BMP8B: variants seen among roughly 807,000 people sequenced by gnomAD.
BMP8B encodes the protein bone morphogenetic protein 8b.
A neutral mutation model predicts 30.3 loss-of-function variants in BMP8B; 17 were observed. The ratio of observed to expected loss-of-function variants is 0.56; its 90% confidence interval spans 0.38 to 0.84. BMP8B has a LOEUF of 0.84. BMP8B is among the 40% of genes least tolerant of loss of function. The pLI is 0.00. For missense variants in BMP8B, 253 were observed against 494.6 expected (o/e 0.51, Z 4.63); for synonymous variants, 131 against 214.7 (o/e 0.61, Z 3.41).
chr1:39,787,484 G>C (rs577428171), intron 1 of BMP8B, among the ~76,000 whole-genome samples: 1 of 152,192 alleles, frequency 6.6e-6, no homozygotes, highest in Non-Finnish European at 1.5e-5. Context: ...AGGAAAAGCC[G>C]GGCTTTGCCT....
At chr1:39,776,900 A>G (rs1650274550) in intron 1 of BMP8B, among the ~76,000 whole-genome samples, 1 of 152,262 alleles carries the variant, frequency 6.6e-6, no homozygotes. Flanking sequence ...AACGGAAGAC[A>G]TAAAATGCAA....
At chr1:39,787,791 C>G (rs1651090892) in intron 1 of BMP8B, among the ~76,000 whole-genome samples, 1 of 152,234 alleles carries the variant, frequency 6.6e-6, no homozygotes. Flanking sequence ...GCCCTTATCA[C>G]AGTGACAGCA....
At chr1:39,769,101 T>C (rs1251556082) in intron 3 of BMP8B, among the ~76,000 whole-genome samples, 1 of 149,018 alleles carries the variant, frequency 6.7e-6, no homozygotes, top group Admixed American at 6.7e-5. Flanking sequence ...GAATTAGGAT[T>C]GCTTGAGCCC....
chr1:39,781,574 T>C (rs1650641162), intron 1 of BMP8B, among the ~76,000 whole-genome samples: 1 of 152,176 alleles, frequency 6.6e-6, no homozygotes. Context: ...GTATCTTAGG[T>C]TAGGCTCTCT....
In BMP8B at chr1:39,788,131, C is replaced by A. The variant is rs779335902; in HGVS notation, c.334+21G>T. 1.3e-6 allele frequency: 2 copies of A among 1,546,834 alleles called. No individual in the cohort carries two copies. The highest frequency in any genetic ancestry group is 2.4e-5 in the East Asian group (1 of 41,130). On this transcript the variant is annotated intron_variant, in intron 1 of 6. Transcript: ENST00000372827. The surrounding 1 kb of genome is among the most constrained non-coding windows in gnomAD (Gnocchi z 5.8). ...GCAGCCAGCTTACTCCGAGGGTCCC[C>A]GCGCGGGCGGCCGCACTCACCCATG...
chr1:39,781,541 A>C (rs1650637667), intron 1 of BMP8B, among the ~76,000 whole-genome samples: 1 of 152,256 alleles, frequency 6.6e-6, no homozygotes, highest in Non-Finnish European at 1.5e-5. Flanking sequence ...CATTAAATAA[A>C]TTAGACCATA....
Position 39,760,526 on chromosome 1 carries a change from C to T in BMP8B, c.1102G>A (p.Ala368Thr). The T allele has an allele frequency of 1.2e-6, 2 of 1,614,052 alleles. No individual in the cohort carries two copies. Among genetic ancestry groups the T allele is most frequent in the Non-Finnish European group, 1.7e-6 (2 of 1,180,006 alleles). The part of the protein sequence containing the change: ...MPDAVPKACC[A>T]PTKLSATSVL... ...GAGGTGGCGCTCAGCTTGGTGGGTG[C>T]ACAGCACGCCTTGGGGACTGCGTCT... Residue 368 changes from alanine (A) to threonine (T), a missense_variant, in exon 7 of 7, where the codon GCA (alanine) becomes ACA (threonine). This residue lies in a region of BMP8B where 116 missense variants were observed against 142.3 expected (regional missense o/e 0.81). Coordinates refer to ENST00000372827, the MANE Select transcript of BMP8B (RefSeq NM_001720.5).
chr1:39,787,672 C>T (rs1651079572), intron 1 of BMP8B, among the ~76,000 whole-genome samples: 1 of 152,178 alleles, frequency 6.6e-6, no homozygotes, highest in Admixed American at 6.5e-5. Context: ...CCCACCCAGG[C>T]TCCGCACAGA....
intron 3 of BMP8B, chr1:39,771,481 G>A: frequency 1.9e-6 from 1 of 518,446 alleles, no homozygotes; most frequent in Non-Finnish European, 3.2e-6. Context: ...CCAGCGCACA[G>A]GCCCGGGCGC....
chr1:39,769,070 G>A (rs2124451306), intron 3 of BMP8B, among the ~76,000 whole-genome samples: 1 of 147,580 alleles, frequency 6.8e-6, no homozygotes, highest in Admixed American at 6.7e-5. Context: ...TGCGCCTGTA[G>A]TCCCAGCTAC....
In BMP8B at chr1:39,760,451, T is replaced by G. The variant is rs1557467030; in HGVS notation, c.1177A>C (p.Asn393His). Residue 393 changes from asparagine to histidine, a missense_variant, in exon 7 of 7, where the codon AAC becomes CAC. Around this residue, in one of 7 missense-constraint regions of BMP8B, gnomAD observed 116 missense variants for 142.3 expected, o/e 0.81. Coordinates refer to ENST00000372827, the MANE Select transcript of BMP8B (RefSeq NM_001720.5). ...CAGCCGCAGGCCTTGACCACCATGT[T>G]GCGGTGCTTGCGCAGGATGACATTG... ...SNNVILRKHRNMVVKACGCH is the reference protein window; with the variant it reads ...SNNVILRKHRHMVVKACGCH 6.2e-7 allele frequency: 1 copy of G among 1,614,112 alleles called. No homozygotes were observed. Among genetic ancestry groups the G allele is most frequent in the East Asian group, 2.2e-5 (1 of 44,864 alleles).
intron 1 of BMP8B, among the ~76,000 whole-genome samples, 160 bp from the exon 2 acceptor site, chr1:39,775,198 T>C (rs537334517): frequency 4.6e-5 from 7 of 152,148 alleles, no homozygotes; most frequent in Non-Finnish European, 1.0e-4. Context: ...AAACGTTTGT[T>C]CCAGGCTTGG....
chr1:39,769,141 C>T (rs1649776230), intron 3 of BMP8B, among the ~76,000 whole-genome samples: 1 of 149,938 alleles, frequency 6.7e-6, no homozygotes, highest in Admixed American at 6.6e-5. Flanking sequence ...GAGATCACTG[C>T]ATTCCATTGC....
chr1:39,760,576 G>A lies in BMP8B; in HGVS notation c.1060-8C>T. ...TGGCATCATCAGGTGCACCTGGCCAGGAAGAGGGCACAGGCAGGGGCATGA... is the reference window on the plus strand; with the variant it reads ...TGGCATCATCAGGTGCACCTGGCCAAGAAGAGGGCACAGGCAGGGGCATGA... On this transcript the variant is annotated splice_polypyrimidine_tract_variant and splice_region_variant and intron_variant, in intron 6 of 6. Coordinates refer to ENST00000372827, the MANE Select transcript of BMP8B (RefSeq NM_001720.5). 1.9e-6 allele frequency: 3 copies of A among 1,613,024 alleles called. No homozygotes were observed. Among genetic ancestry groups the A allele is most frequent in the Non-Finnish European group, 2.5e-6 (3 of 1,179,874 alleles).
chr1:39,763,079 G>A lies in BMP8B; in HGVS notation c.1059+13C>T, dbSNP rs200035026. Reference sequence around the variant, plus strand: ...CACCCCAGGGGGCTGGGCAGGATGGGCATGGTACTGACCAGGGACTGCAGG... The same window carrying A: ...CACCCCAGGGGGCTGGGCAGGATGGACATGGTACTGACCAGGGACTGCAGG... On this transcript the variant is annotated intron_variant, in intron 6 of 6. Transcript: ENST00000372827. 6.2e-7 allele frequency: 1 copy of A among 1,612,442 alleles called. No homozygotes were observed. The highest frequency in any genetic ancestry group is 8.5e-7 in the Non-Finnish European group (1 of 1,178,482).
In BMP8B at chr1:39,788,013, G is replaced by A; in HGVS notation, c.334+139C>T. ...TGACCCTTAGACCTTCCCTAACCACGGCGGTCCCACTCCCCTGTGGTTCGC... is the reference window on the plus strand; with the variant it reads ...TGACCCTTAGACCTTCCCTAACCACAGCGGTCCCACTCCCCTGTGGTTCGC... On this transcript the variant is annotated intron_variant, in intron 1 of 6. Transcript: ENST00000372827. The surrounding 1 kb of genome is among the most constrained non-coding windows in gnomAD (Gnocchi z 5.8). 1 of 1,312,764 alleles carries A rather than the reference G, an allele frequency of 7.6e-7. No homozygotes were observed. Among genetic ancestry groups the A allele is most frequent in the Non-Finnish European group, 9.8e-7 (1 of 1,024,308 alleles). The allele number at this position is 1,312,764 out of a possible 1,614,324, so 81.3% of individuals were successfully genotyped here.
At chr1:39,762,751 GC>G in intron 6 of BMP8B, 1 of 1,379,070 alleles carries the variant, frequency 7.3e-7, no homozygotes, top group Non-Finnish European at 9.7e-7. Flanking sequence ...AGATCACACA[GC>G]CCCCACACAG....
At chr1:39,778,720 C>G (rs1184904344) in intron 1 of BMP8B, among the ~76,000 whole-genome samples, 1 of 152,200 alleles carries the variant, frequency 6.6e-6, no homozygotes, top group African/African-American at 2.4e-5. Context: ...AAGAATAGAT[C>G]CCAGGAGATG....
chr1:39,777,205 TG>T (rs1274784621), intron 1 of BMP8B, among the ~76,000 whole-genome samples: 1 of 152,258 alleles, frequency 6.6e-6, no homozygotes, highest in African/African-American at 2.4e-5. Flanking sequence ...AGCAATTCGT[TG>T]GTCACAGGAA....
Sources: gnomAD v4.1 joint callset for allele counts (sites outside exome capture counted in the v4.1 genomes callset) on GRCh38, gnomAD v4.1.1 for gene constraint, gnomAD v4.1.1 regional missense constraint, Gnocchi (gnomAD v3.1) non-coding constraint, MANE v1.5 for transcripts, NCBI Gene and HGNC (gene_info 2026-07-23, HGNC 2026-07-21) for gene names.